The following C8A variants were observed in gnomAD, a reference collection of about 807,000 sequenced individuals.
C8A encodes complement component C8 alpha chain.
C8A carries 67 observed loss-of-function variants against 65.3 expected under a neutral mutation model. That is an observed-to-expected ratio of 1.03 (90% CI 0.84 to 1.26). The LOEUF (loss-of-function observed/expected upper bound fraction) is 1.26, where lower values mean the gene tolerates loss of function less well. Among genes scored for constraint, C8A ranks in the 50% most tolerant of loss-of-function variants. The pLI, the probability that C8A is intolerant of heterozygous loss-of-function variation, is 0.00. For synonymous variants in C8A, 290 were observed against 259.4 expected (o/e 1.12, Z -1.13); for missense variants, 781 against 723.9 (o/e 1.08, Z -0.90).
intron 1 of C8A, among the ~76,000 whole-genome samples, chr1:56,866,760 G>C (rs193129569): frequency 9.2e-5 from 14 of 152,308 alleles, no homozygotes; most frequent in Admixed American, 2.6e-4. Context: ...AGGCAAACTT[G>C]CGGCTTGTCT....
At chr1:56,892,598 C>T (rs549101326) in intron 7 of C8A, among the ~76,000 whole-genome samples, 4 of 152,028 alleles carry the variant, frequency 2.6e-5, no homozygotes, top group African/African-American at 9.7e-5. Context: ...TCTCTATTCC[C>T]GATTCTACTG....
intron 1 of C8A, among the ~76,000 whole-genome samples, chr1:56,862,256 T>C (rs967552031): frequency 2.6e-5 from 4 of 152,190 alleles, no homozygotes; most frequent in Non-Finnish European, 5.9e-5. Context: ...AAAATTGAAG[T>C]TCAATAAGTA....
At chr1:56,903,414 C>T (rs540162792) in intron 7 of C8A, among the ~76,000 whole-genome samples, 1 of 152,248 alleles carries the variant, frequency 6.6e-6, no homozygotes, top group African/African-American at 2.4e-5. Flanking sequence ...TTTCCTGAGG[C>T]TTCCCCAGCC....
chr1:56,907,695 C>G (rs577030948), intron 8 of C8A, among the ~76,000 whole-genome samples: 39 of 152,196 alleles, frequency 2.6e-4, no homozygotes, highest in Non-Finnish European at 4.3e-4. Context: ...AATGAATGAC[C>G]ACCCATTTCC....
rs1186326716 is a variant in C8A at position 56,904,813 on chromosome 1, C to G, written c.1097-1854C>G. ...GGACCCTCTTTGGGGTCTTAGATGG[C>G]AAATCTCTGCAGTCAAGTCATGCTT... On this transcript the variant is annotated intron_variant, in intron 7 of 10. Coordinates refer to ENST00000361249, the MANE Select transcript of C8A (RefSeq NM_000562.3). 9.2e-5 allele frequency among the ~76,000 whole-genome samples: 14 copies of G among 152,240 alleles called. No homozygotes were observed. The South Asian group carries it at 2.9e-3, about 32-fold the overall frequency.
chr1:56,880,557 C>CT (rs1276825810), intron 4 of C8A, among the ~76,000 whole-genome samples: 3 of 152,124 alleles, frequency 2.0e-5, no homozygotes, highest in Non-Finnish European at 2.9e-5. Flanking sequence ...GTCTCCCTGA[C>CT]TTTTGAACTG....
intron 1 of C8A, among the ~76,000 whole-genome samples, chr1:56,863,934 C>T (rs1644059474): frequency 7.0e-6 from 1 of 142,668 alleles, no homozygotes; most frequent in African/African-American, 2.6e-5. Flanking sequence ...CTCCCTCTTT[C>T]CCTTCCTTTT....
chr1:56,856,061 G>C (rs1256816490), intron 1 of C8A, among the ~76,000 whole-genome samples: 1 of 152,040 alleles, frequency 6.6e-6, no homozygotes, highest in Non-Finnish European at 1.5e-5. Flanking sequence ...GATGTTTGAT[G>C]AACTTATCAA....
intron 1 of C8A, among the ~76,000 whole-genome samples, chr1:56,866,523 C>T (rs1320666479): frequency 2.0e-5 from 3 of 152,170 alleles, no homozygotes; most frequent in Non-Finnish European, 4.4e-5. Flanking sequence ...CGAGTTTCAA[C>T]TTAGGTGTCA....
intron 4 of C8A, among the ~76,000 whole-genome samples, 171 bp downstream of exon 4, chr1:56,876,380 C>T (rs1445404495): frequency 6.6e-6 from 1 of 151,782 alleles, no homozygotes; most frequent in Non-Finnish European, 1.5e-5. Context: ...CTATGTGACA[C>T]TGCCCATGCT....
chr1:56,866,609 G>T (rs2101197999), intron 1 of C8A, among the ~76,000 whole-genome samples: 1 of 152,346 alleles, frequency 6.6e-6, no homozygotes, highest in East Asian at 1.9e-4. Flanking sequence ...TTATAATCAT[G>T]CCATTCATCA....
intron 7 of C8A, among the ~76,000 whole-genome samples, chr1:56,903,523 G>T (rs188677532): frequency 6.6e-6 from 1 of 152,158 alleles, no homozygotes; most frequent in Non-Finnish European, 1.5e-5. Flanking sequence ...AATACACTTG[G>T]TCAGTGTATC....
intron 10 of C8A, among the ~76,000 whole-genome samples, chr1:56,915,805 C>A (rs1479754033): frequency 6.6e-6 from 1 of 152,132 alleles, no homozygotes; most frequent in Non-Finnish European, 1.5e-5. Flanking sequence ...AAACATTACA[C>A]CCTACTGAGT....
At chr1:56,873,144 T>A (rs1452822835) in intron 2 of C8A, among the ~76,000 whole-genome samples, 1 of 152,288 alleles carries the variant, frequency 6.6e-6, no homozygotes, top group East Asian at 1.9e-4. Flanking sequence ...GCCACTTTGT[T>A]AATGAGCAGC....
intron 9 of C8A, among the ~76,000 whole-genome samples, chr1:56,909,243 A>G (rs1217901237): frequency 6.6e-6 from 1 of 152,204 alleles, no homozygotes; most frequent in Non-Finnish European, 1.5e-5. Context: ...GAAGCAAAAG[A>G]TCATCATTTT....
chr1:56,885,316 A>ATATATATTTATTTAAATATATATT lies in C8A; in HGVS notation c.856-606_856-605insATTTATTTAAATATATATTTATAT, dbSNP rs1557705445. Among the ~76,000 whole-genome samples the ATATATATTTATTTAAATATATATT allele has an allele frequency of 8.4e-3, 564 of 67,464 alleles. 24 individuals are homozygous for ATATATATTTATTTAAATATATATT. The highest frequency in any genetic ancestry group is 0.068 in the African/African-American group (477 of 7,000). 44.3% of individuals were successfully genotyped at this position (67,464 alleles called of 152,430 possible). On this transcript the variant is annotated intron_variant, in intron 6 of 10. Coordinates refer to ENST00000361249, the MANE Select transcript of C8A (RefSeq NM_000562.3). ...TATATATTTATATATATTTACATAA[A>ATATATATTTATTTAAATATATATT]TATATTTATTTAAATATATATTTAC...
chr1:56,886,279 G>A, intron 7 of C8A, 112 bp downstream of exon 7: 1 of 1,268,748 alleles, frequency 7.9e-7, no homozygotes, highest in East Asian at 2.3e-5. Flanking sequence ...TTAGTTTTTA[G>A]GACAACTCTA....
At chr1:56,910,002 C>T (rs533542976) in intron 9 of C8A, among the ~76,000 whole-genome samples, 4 of 152,216 alleles carry the variant, frequency 2.6e-5, no homozygotes, top group East Asian at 1.9e-4. Flanking sequence ...GGCTTTATAG[C>T]AGGGAAGTAA....
intron 4 of C8A, among the ~76,000 whole-genome samples, chr1:56,878,833 T>C (rs1422444245): frequency 6.6e-6 from 1 of 152,164 alleles, no homozygotes; most frequent in Non-Finnish European, 1.5e-5. Context: ...GCATTGACAA[T>C]ATGCATTATA....
Sources: allele counts gnomAD v4.1 joint callset (sites outside exome capture counted in the v4.1 genomes callset), GRCh38; gene constraint gnomAD v4.1.1; transcripts MANE v1.5; gene names NCBI Gene and HGNC (gene_info 2026-07-23, HGNC 2026-07-21).